The following TENM2 variants were observed in gnomAD, a reference collection of about 807,000 sequenced individuals.
The protein encoded by TENM2 is teneurin transmembrane protein 2.
TENM2 carries 52 observed loss-of-function variants against 245.2 expected under a neutral mutation model. That is an observed-to-expected ratio of 0.21 (90% CI 0.17 to 0.27). TENM2 has a LOEUF of 0.27. TENM2 is among the 10% of genes least tolerant of loss of function. The pLI, the probability that TENM2 is intolerant of heterozygous loss-of-function variation, is 1.00. For missense variants in TENM2, 3,046 were observed against 3,666.8 expected, an observed-to-expected ratio of 0.83 and a Z score of 4.37; for synonymous variants, 1,363 against 1,438.9, an observed-to-expected ratio of 0.95 and a Z score of 1.19.
At chr5:168,084,455 G>C (rs1310299158) in intron 7 of TENM2, among the ~76,000 whole-genome samples, 1 of 152,184 alleles carries the variant, frequency 6.6e-6, no homozygotes, top group African/African-American at 2.4e-5. Flanking sequence ...ATTTTGACTT[G>C]TGTGAGATAG....
At chr5:167,849,329 A>T (rs1770353126) in intron 2 of TENM2, among the ~76,000 whole-genome samples, 1 of 152,290 alleles carries the variant, frequency 6.6e-6, no homozygotes, top group South Asian at 2.1e-4. Flanking sequence ...TACCAGAGAC[A>T]GGAAAAAAAA....
the TENM2 span, among the ~76,000 whole-genome samples, chr5:167,060,241 A>C: frequency 2.0e-5 from 3 of 152,156 alleles, no homozygotes; most frequent in Non-Finnish European, 4.4e-5. Context: ...CTGCCTTGTA[A>C]AGTGTATCAA....
chr5:168,244,669 C>T lies in TENM2; in HGVS notation c.5770C>T (p.Arg1924Cys), dbSNP rs780827713. 4 of 1,502,706 alleles carry T rather than the reference C, an allele frequency of 2.7e-6. No homozygotes were observed. Among genetic ancestry groups the T allele is most frequent in the Non-Finnish European group, 3.6e-6 (4 of 1,114,592 alleles). 93.1% of individuals were successfully genotyped at this position (1,502,706 alleles called of 1,614,324 possible). A position where few individuals can be genotyped will look rare whatever the true frequency, so the allele number is the denominator to read the frequency against. ...CGACAAGCAAGGCCGCATCGTGTCC[C>T]GCATGTTCGCTGACGGGAAAGTGTG... is the stretch of plus-strand genomic sequence containing the variant. Residue 1924 changes from arginine to cysteine, a missense_variant, in exon 26 of 29, where the codon CGC becomes TGC. This residue lies in a region of TENM2 where 2,704 missense variants were observed against 3,331.9 expected (regional missense o/e 0.81). Transcript: ENST00000518659. The surrounding 1 kb of genome is among the most constrained non-coding windows in gnomAD (Gnocchi z 4.9).
At chr5:168,094,584 C>T (rs1793205695) in intron 8 of TENM2, among the ~76,000 whole-genome samples, 1 of 151,948 alleles carries the variant, frequency 6.6e-6, no homozygotes, top group Non-Finnish European at 1.5e-5. Flanking sequence ...GTCCTCAACC[C>T]TAGGGCCGCA....
chr5:167,947,614 G>C (rs1583454669), intron 3 of TENM2, among the ~76,000 whole-genome samples: 2 of 152,056 alleles, frequency 1.3e-5, no homozygotes, highest in Non-Finnish European at 2.9e-5. Flanking sequence ...ATTTGAACAG[G>C]GTGTCCTGGT....
intron 2 of TENM2, among the ~76,000 whole-genome samples, chr5:167,720,914 C>T (rs1322047014): frequency 6.6e-6 from 1 of 152,158 alleles, no homozygotes; most frequent in Non-Finnish European, 1.5e-5. Flanking sequence ...GAACTCTATG[C>T]AGAAGACGAA....
At chr5:168,161,741 G>A (rs1190876124) in intron 12 of TENM2, among the ~76,000 whole-genome samples, 1 of 151,822 alleles carries the variant, frequency 6.6e-6, no homozygotes, top group African/African-American at 2.4e-5. Flanking sequence ...AGTGCTGGCT[G>A]CAATTGTTTT....
chr5:167,702,552 G>GTATATATATATATATA (rs374895330), intron 2 of TENM2, among the ~76,000 whole-genome samples: 13 of 136,780 alleles, frequency 9.5e-5, no homozygotes, highest in African/African-American at 3.1e-4. Flanking sequence ...GTGTGTGTGT[G>GTATATATATATATATA]TATATATATA....
intron 1 of TENM2, among the ~76,000 whole-genome samples, chr5:167,304,960 T>A (rs1349514854): frequency 6.6e-6 from 1 of 152,170 alleles, no homozygotes; most frequent in Non-Finnish European, 1.5e-5. Context: ...CACTGCCATG[T>A]ACGTGACATT....
At chr5:167,257,533 G>A in the TENM2 span, among the ~76,000 whole-genome samples, 1 of 151,768 alleles carries the variant, frequency 6.6e-6, no homozygotes, top group Non-Finnish European at 1.5e-5. Context: ...ATAATAAGAT[G>A]AACCTAATAT....
At chr5:167,137,511 A>G in the TENM2 span, among the ~76,000 whole-genome samples, 1 of 152,178 alleles carries the variant, frequency 6.6e-6, no homozygotes, top group Non-Finnish European at 1.5e-5. Context: ...GGGAGGCTCT[A>G]AATTCGGGAA....
intron 25 of TENM2, among the ~76,000 whole-genome samples, chr5:168,238,280 A>AAAAG (rs1274157038): frequency 1.3e-5 from 2 of 151,344 alleles, no homozygotes; most frequent in Non-Finnish European, 2.9e-5. Flanking sequence ...AAAAGAAAAG[A>AAAAG]AAAGAAAAGA....
chr5:167,764,162 A>T (rs1191534173), intron 2 of TENM2, among the ~76,000 whole-genome samples: 1 of 152,126 alleles, frequency 6.6e-6, no homozygotes, highest in Non-Finnish European at 1.5e-5. Flanking sequence ...TTAGGGATAA[A>T]TTTGGGAGAC....
At chr5:167,928,178 C>A (rs1002528013) in intron 3 of TENM2, among the ~76,000 whole-genome samples, 10 of 152,166 alleles carry the variant, frequency 6.6e-5, no homozygotes, top group African/African-American at 2.4e-4. Flanking sequence ...TTATCTTTGT[C>A]ATTTCTTGTC....
the TENM2 span, among the ~76,000 whole-genome samples, chr5:167,121,634 C>T: frequency 2.6e-5 from 4 of 152,178 alleles, no homozygotes; most frequent in African/African-American, 4.8e-5. Context: ...GGCCCCAGGC[C>T]GTCAAAAGTG....
At chr5:167,123,857 G>A in the TENM2 span, among the ~76,000 whole-genome samples, 1 of 152,136 alleles carries the variant, frequency 6.6e-6, no homozygotes, top group Non-Finnish European at 1.5e-5. Context: ...TCTAGAGCAA[G>A]TTATACCACC....
chr5:167,242,902 C>T, the TENM2 span, among the ~76,000 whole-genome samples: 15 of 151,602 alleles, frequency 9.9e-5, no homozygotes, highest in African/African-American at 1.9e-4. Context: ...TGTGTGTAGA[C>T]GAAAAATATA....
chr5:168,065,967 G>A (rs1412468769), intron 7 of TENM2, among the ~76,000 whole-genome samples: 1 of 151,654 alleles, frequency 6.6e-6, no homozygotes, highest in Non-Finnish European at 1.5e-5. Context: ...AAATAGTTCT[G>A]GTTGTCACAC....
At chr5:167,656,866 A>G (rs530398191) in intron 2 of TENM2, among the ~76,000 whole-genome samples, 1 of 152,080 alleles carries the variant, frequency 6.6e-6, no homozygotes, top group East Asian at 1.9e-4. Context: ...TATAGGGTAC[A>G]TAGTGATATT....
Sources: allele counts gnomAD v4.1 joint callset (sites outside exome capture counted in the v4.1 genomes callset), GRCh38; gene constraint gnomAD v4.1.1; regional missense constraint gnomAD v4.1.1; non-coding constraint Gnocchi (gnomAD v3.1); transcripts MANE v1.5; gene names NCBI Gene and HGNC (gene_info 2026-07-23, HGNC 2026-07-21).